GMDS: variants seen among roughly 807,000 people sequenced by gnomAD.
GMDS encodes the protein GDP-mannose 4,6-dehydratase.
GMDS carries 20 observed loss-of-function variants against 49.9 expected under a neutral mutation model. The ratio of observed to expected loss-of-function variants is 0.40; its 90% CI spans 0.28 to 0.58. The LOEUF (loss-of-function observed/expected upper bound fraction) is 0.58, where lower values mean the gene tolerates loss of function less well. Among genes scored for constraint, GMDS ranks in the 20% least tolerant of loss-of-function variants. The probability of loss-of-function intolerance (pLI) is 0.42; values close to 1 mark genes in which losing one functional copy is unlikely to be tolerated. For synonymous variants in GMDS, 177 were observed against 178.6 expected (o/e 0.99, Z 0.07); for missense variants, 362 against 481.4 (o/e 0.75, Z 2.32).
At chr6:1,982,035 T>C (rs1377628008) in intron 4 of GMDS, among the ~76,000 whole-genome samples, 1 of 152,152 alleles carries the variant, frequency 6.6e-6, no homozygotes, top group East Asian at 1.9e-4. Flanking sequence ...CCAGGTGCGG[T>C]GGCTCACACC....
intron 4 of GMDS, among the ~76,000 whole-genome samples, chr6:2,100,096 GTTTGTTT>G (rs2127484919): frequency 6.6e-6 from 1 of 152,076 alleles, no homozygotes; most frequent in African/African-American, 2.4e-5. Flanking sequence ...TTCCTCACAG[GTTTGTTT>G]TACATGATTA....
At chr6:2,236,759 G>T (rs1404809161) in intron 1 of GMDS, among the ~76,000 whole-genome samples, 1 of 152,128 alleles carries the variant, frequency 6.6e-6, no homozygotes, top group Non-Finnish European at 1.5e-5. Flanking sequence ...ATTTCTAAAA[G>T]TGCCAATTAG....
rs555994950 is a variant in GMDS, at chr6:1,954,531, G to C, written c.643+5336C>G. ...AGTCAATCTCTCAAACCCTGCTGCT[G>C]CTTTAACAACTAAACCTATGTAGTA... On this transcript the variant is annotated intron_variant, in intron 6 of 10. Coordinates refer to ENST00000380815, the MANE Select transcript of GMDS (RefSeq NM_001500.4). Among the ~76,000 whole-genome samples the C allele has an allele frequency of 6.6e-5, 10 of 152,302 alleles. No homozygotes were observed. In the East Asian group the frequency reaches 1.9e-3, roughly 29 times the overall value.
Position 1,971,095 on chromosome 6 carries a change from C to CGG in GMDS, c.346-10131_346-10130dup, listed in dbSNP as rs376845698. ...TGAGCAAAAGGAGAGATAAATGCAC[C>CGG]GGCAATGTTTGGGGAATAAAGTGCT... is the stretch of plus-strand genomic sequence containing the variant. On this transcript the variant is annotated intron_variant, in intron 4 of 10. Transcript: ENST00000380815. Among the ~76,000 whole-genome samples, 576 of 152,110 alleles carry CGG rather than the reference C, an allele frequency of 3.8e-3. 3 individuals are homozygous for CGG. Among genetic ancestry groups the CGG allele is most frequent in the African/African-American group, 0.013 (526 of 41,462 alleles).
chr6:2,165,267 G>A (rs1450066890), intron 1 of GMDS, among the ~76,000 whole-genome samples: 1 of 152,182 alleles, frequency 6.6e-6, no homozygotes, highest in Non-Finnish European at 1.5e-5. Flanking sequence ...GAGAGAAACT[G>A]GCAATCCCAA....
intron 7 of GMDS, among the ~76,000 whole-genome samples, chr6:1,839,554 T>C (rs182072640): frequency 1.7e-3 from 264 of 152,326 alleles, no homozygotes; most frequent in Non-Finnish European, 3.0e-3. Context: ...GACCCTTAAA[T>C]ATTTACCAGC....
At chr6:1,915,181 T>C (rs1405775816) in intron 7 of GMDS, among the ~76,000 whole-genome samples, 1 of 152,182 alleles carries the variant, frequency 6.6e-6, no homozygotes, top group African/African-American at 2.4e-5. Context: ...TGAGGCTGAG[T>C]TGGTTTGACT....
chr6:1,798,616 C>A (rs1006555606), intron 7 of GMDS, among the ~76,000 whole-genome samples: 4 of 152,184 alleles, frequency 2.6e-5, no homozygotes, highest in Non-Finnish European at 5.9e-5. Flanking sequence ...AAGCCAGCCA[C>A]CCGCTGAATC....
intron 6 of GMDS, chr6:1,931,089 G>C (rs1762263218): frequency 6.6e-6 from 1 of 152,148 alleles, no homozygotes; most frequent in Non-Finnish European, 1.5e-5. Flanking sequence ...TTGTTATCTA[G>C]GTAAGGTTAT....
chr6:2,130,494 T>C (rs553346876), intron 1 of GMDS, among the ~76,000 whole-genome samples: 6 of 152,328 alleles, frequency 3.9e-5, no homozygotes, highest in Non-Finnish European at 7.3e-5. Flanking sequence ...TCAAGGGCAA[T>C]AGCCTCGCAA....
At chr6:1,948,716 C>G (rs185234528) in intron 6 of GMDS, among the ~76,000 whole-genome samples, 1 of 152,114 alleles carries the variant, frequency 6.6e-6, no homozygotes, top group Non-Finnish European at 1.5e-5. Flanking sequence ...ATCTTTCACA[C>G]GTCCTTGATA....
chr6:1,703,550 T>C (rs571571658), intron 9 of GMDS, among the ~76,000 whole-genome samples: 4 of 152,210 alleles, frequency 2.6e-5, no homozygotes, highest in Non-Finnish European at 4.4e-5. Flanking sequence ...CTACTTTGTA[T>C]AAATAAAGAA....
At chr6:1,867,100 C>T (rs1758476745) in intron 7 of GMDS, among the ~76,000 whole-genome samples, 1 of 152,174 alleles carries the variant, frequency 6.6e-6, no homozygotes, top group African/African-American at 2.4e-5. Context: ...TACAGAGACT[C>T]ATTGTATTCC....
intron 1 of GMDS, among the ~76,000 whole-genome samples, chr6:2,157,219 A>G (rs1188616243): frequency 6.6e-6 from 1 of 152,188 alleles, no homozygotes; most frequent in African/African-American, 2.4e-5. Context: ...TAATTTCAGT[A>G]TGATTGGGCA....
At chr6:1,656,768 A>C (rs1490195091) in intron 9 of GMDS, among the ~76,000 whole-genome samples, 1 of 152,012 alleles carries the variant, frequency 6.6e-6, no homozygotes, top group Non-Finnish European at 1.5e-5. Context: ...TGTCTCAAAA[A>C]AAAAAAAAAA....
At chr6:1,784,260 C>T (rs892320922) in intron 7 of GMDS, among the ~76,000 whole-genome samples, 4 of 151,582 alleles carry the variant, frequency 2.6e-5, no homozygotes, top group African/African-American at 9.7e-5. Context: ...GGTGTGGTGG[C>T]GGGCACCTGT....
chr6:2,072,332 C>A (rs949763903), intron 4 of GMDS, among the ~76,000 whole-genome samples: 3 of 152,188 alleles, frequency 2.0e-5, no homozygotes, highest in African/African-American at 7.2e-5. Flanking sequence ...AACAGTTACT[C>A]CTCGTGAATA....
intron 7 of GMDS, among the ~76,000 whole-genome samples, chr6:1,756,266 T>TA (rs901992293): frequency 3.1e-5 from 4 of 127,688 alleles, no homozygotes; most frequent in African/African-American, 1.5e-4. Flanking sequence ...TTTGTTCTGG[T>TA]TTTTTTTTTT....
At chr6:1,667,222 T>C (rs1243058010) in intron 9 of GMDS, among the ~76,000 whole-genome samples, 1 of 152,324 alleles carries the variant, frequency 6.6e-6, no homozygotes, top group East Asian at 1.9e-4. Flanking sequence ...GTCTTATCTA[T>C]CTAGAACCAT....
Sources: gnomAD v4.1 joint callset for allele counts (sites outside exome capture counted in the v4.1 genomes callset) on GRCh38, gnomAD v4.1.1 for gene constraint, MANE v1.5 for transcripts, NCBI Gene and HGNC (gene_info 2026-07-23, HGNC 2026-07-21) for gene names.